The following COBLL1 variants were observed in gnomAD, a reference collection of about 807,000 sequenced individuals.
COBLL1 encodes cordon-bleu WH2 repeat protein like 1.
COBLL1 carries 50 observed loss-of-function variants against 94.8 expected under a neutral mutation model. The ratio of observed to expected loss-of-function variants is 0.53; its 90% confidence interval spans 0.42 to 0.67. The LOEUF is 0.67. COBLL1 is among the 30% of genes least tolerant of loss of function. The pLI, the probability that COBLL1 is intolerant of heterozygous loss-of-function variation, is 0.00. For synonymous variants in COBLL1, 448 were observed against 473.8 expected (o/e 0.95, Z 0.71); for missense variants, 1,362 against 1,348.7 (o/e 1.01, Z -0.15).
intron 2 of COBLL1, among the ~76,000 whole-genome samples, chr2:164,665,199 C>T (rs567812995): frequency 2.0e-4 from 31 of 151,852 alleles, no homozygotes; most frequent in African/African-American, 7.0e-4. Flanking sequence ...GGTGTGGTGG[C>T]GGGCGCCTGT....
At position 164,684,702 on chromosome 2, in the gene COBLL1, A is replaced by G. The variant is rs1057496539; in HGVS notation, c.*1244T>C. The stretch of plus-strand genomic sequence containing the variant: ...TTCACTGGCTAATAGAAATGTATGC[A>G]TCAGGTAAGGGAAATAAATATGCTG... On this transcript the variant is annotated 3_prime_UTR_variant, in exon 14 of 14. Transcript: ENST00000652658. 2 of 152,192 alleles carry G rather than the reference A, an allele frequency of 1.3e-5. No homozygotes were observed. Among genetic ancestry groups the G allele is most frequent in the Non-Finnish European group, 2.9e-5 (2 of 68,022 alleles). 9.4% of individuals were successfully genotyped at this position (152,192 alleles called of 1,614,324 possible).
chr2:164,686,593 A>G, intron 13 of COBLL1, among the ~76,000 whole-genome samples: 1 of 133,374 alleles, frequency 7.5e-6, no homozygotes, highest in African/African-American at 2.7e-5. Flanking sequence ...AAGACTGAAA[A>G]GGAGTTTTTT....
chr2:164,700,425 T>G, intron 10 of COBLL1, 97 bp downstream of exon 10: 1 of 737,330 alleles, frequency 1.4e-6, no homozygotes, highest in South Asian at 2.0e-5. Context: ...ACCAAAGGGC[T>G]GACTATATTT....
intron 2 of COBLL1, among the ~76,000 whole-genome samples, chr2:164,796,233 T>C (rs1683448986): frequency 6.6e-6 from 1 of 152,206 alleles, no homozygotes; most frequent in South Asian, 2.1e-4. Context: ...CATAACCAAA[T>C]GCAAAGCAAA....
At chr2:164,713,415 G>C (rs1452892775) in intron 7 of COBLL1, among the ~76,000 whole-genome samples, 1 of 152,094 alleles carries the variant, frequency 6.6e-6, no homozygotes, top group Non-Finnish European at 1.5e-5. Flanking sequence ...TTTTAATGCT[G>C]CTCCTACCAA....
rs114353766 is a variant in COBLL1, at chr2:164,823,482, C to T, written c.41+17674G>A. Reference sequence around the variant, plus strand: ...TCAAGGAGACTGCAAACTTCCAAACCTCTTACCCTCCTTCACCGCAGCAAA... The same window carrying T: ...TCAAGGAGACTGCAAACTTCCAAACTTCTTACCCTCCTTCACCGCAGCAAA... On this transcript the variant is annotated intron_variant, in intron 2 of 13. Transcript: ENST00000652658. Among the ~76,000 whole-genome samples the T allele has an allele frequency of 5.3e-3, 810 of 152,244 alleles. 9 individuals carry two copies. Among genetic ancestry groups the T allele is most frequent in the African/African-American group, 0.018 (761 of 41,560 alleles).
chr2:164,748,971 G>A (rs934660153), intron 2 of COBLL1, among the ~76,000 whole-genome samples: 4 of 151,732 alleles, frequency 2.6e-5, no homozygotes, highest in African/African-American at 4.8e-5. Context: ...TTTTAACACC[G>A]AATTCAATTA....
chr2:164,759,499 G>T (rs1410654463), intron 2 of COBLL1, among the ~76,000 whole-genome samples: 4 of 151,890 alleles, frequency 2.6e-5, no homozygotes, highest in African/African-American at 9.7e-5. Context: ...TTAGGCCATA[G>T]GATTAGCTAT....
At chr2:164,667,217 C>T (rs953446453) in intron 1 of COBLL1, among the ~76,000 whole-genome samples, 9 of 151,938 alleles carry the variant, frequency 5.9e-5, no homozygotes, top group South Asian at 2.1e-4. Flanking sequence ...TTGATGTCAA[C>T]GGTGGGCTTA....
chr2:164,740,888 G>C (rs1206651608), intron 3 of COBLL1, among the ~76,000 whole-genome samples: 1 of 149,720 alleles, frequency 6.7e-6, no homozygotes, highest in South Asian at 2.1e-4. Flanking sequence ...GTTACACGAG[G>C]GGGGGAAAAG....
chr2:164,748,509 T>A (rs1686979689), intron 2 of COBLL1, among the ~76,000 whole-genome samples: 1 of 152,182 alleles, frequency 6.6e-6, no homozygotes, highest in Non-Finnish European at 1.5e-5. Flanking sequence ...ATAACAACTA[T>A]ACTTAAGAAT....
At position 164,672,728 on chromosome 2, in the gene COBLL1, A is replaced by AAAAAT. The variant is rs67260713; in HGVS notation, n.127-6828_127-6827insATTTT. ...CTCAAAAAAAAAAAAAAAAAAAAAA[A>AAAAAT]ATGACTTTGTAAAAAATGTCACTAT... On this transcript the variant is annotated intron_variant and non_coding_transcript_variant, in intron 1 of 2. Coordinates refer to the COBLL1 transcript ENST00000495084. 7.9e-3 allele frequency among the ~76,000 whole-genome samples: 1,048 copies of AAAAAT among 132,018 alleles called. 1 individual carries two copies. The highest frequency in any genetic ancestry group is 0.016 in the African/African-American group (497 of 31,018). 86.6% of individuals were successfully genotyped at this position (132,018 alleles called of 152,430 possible). A position where few individuals can be genotyped will look rare whatever the true frequency, so the allele number is the denominator to read the frequency against.
chr2:164,777,607 C>T (rs1307273783), intron 2 of COBLL1, among the ~76,000 whole-genome samples: 3 of 152,082 alleles, frequency 2.0e-5, no homozygotes, highest in Non-Finnish European at 2.9e-5. Context: ...AAAATGAGAA[C>T]ACAATCTTCT....
At chr2:164,674,944 C>G (rs1317756833) in intron 1 of COBLL1, among the ~76,000 whole-genome samples, 2 of 152,182 alleles carry the variant, frequency 1.3e-5, no homozygotes, top group African/African-American at 4.8e-5. Flanking sequence ...AATTTCATAT[C>G]TGTGACATTG....
At chr2:164,774,750 A>G (rs1307563212) in intron 2 of COBLL1, among the ~76,000 whole-genome samples, 1 of 151,854 alleles carries the variant, frequency 6.6e-6, no homozygotes, top group African/African-American at 2.4e-5. Flanking sequence ...TGTTCATAAG[A>G]ATGAGTCTAG....
chr2:164,792,642 G>A (rs1308764545), intron 2 of COBLL1, among the ~76,000 whole-genome samples: 1 of 152,116 alleles, frequency 6.6e-6, no homozygotes, highest in African/African-American at 2.4e-5. Flanking sequence ...ATCAAATAGT[G>A]TTTAGATTAA....
intron 2 of COBLL1, among the ~76,000 whole-genome samples, chr2:164,661,387 G>A (rs1483246958): frequency 6.6e-6 from 1 of 152,048 alleles, no homozygotes; most frequent in Non-Finnish European, 1.5e-5. Context: ...AATGATTTGG[G>A]GTTGAAGTCT....
At chr2:164,698,132 T>C (rs1044418542) in intron 11 of COBLL1, 1 of 151,890 alleles carries the variant, frequency 6.6e-6, no homozygotes, top group Admixed American at 6.6e-5. Flanking sequence ...ACAACAAAAG[T>C]CTTAACAAAA....
intron 7 of COBLL1, chr2:164,718,340 A>C (rs1685280395): frequency 1.6e-6 from 1 of 610,650 alleles, no homozygotes; most frequent in Non-Finnish European, 2.1e-6. Context: ...TGAGGTAAGT[A>C]AGTCATGTTA....
Sources: allele counts gnomAD v4.1 joint callset (sites outside exome capture counted in the v4.1 genomes callset), GRCh38; gene constraint gnomAD v4.1.1; transcripts MANE v1.5; gene names NCBI Gene and HGNC (gene_info 2026-07-23, HGNC 2026-07-21).